The following S100A8 variants were observed in gnomAD, a reference collection of about 807,000 sequenced individuals.
S100A8 encodes protein S100-A8.
A neutral mutation model predicts 4.2 loss-of-function variants in S100A8; 1 was observed. The observed-to-expected ratio is 0.24, with a 90% confidence interval of 0.08 to 1.12. The LOEUF (loss-of-function observed/expected upper bound fraction) is 1.12. Among genes scored for constraint, S100A8 ranks in the 50% most tolerant of loss-of-function variants. The pLI, the probability that S100A8 is intolerant of heterozygous loss-of-function variation, is 0.53. For synonymous variants in S100A8, 41 were observed against 44.7 expected (o/e 0.92, Z 0.33); for missense variants, 96 against 111.8 (o/e 0.86, Z 0.64).
At chr1:153,408,353 G>A in the S100A8 span, among the ~76,000 whole-genome samples, 2 of 152,196 alleles carry the variant, frequency 1.3e-5, no homozygotes, top group African/African-American at 2.4e-5. Context: ...TAGCCAATTT[G>A]ATCAACAGGA....
chr1:153,408,516 G>C, the S100A8 span, among the ~76,000 whole-genome samples: 7 of 152,326 alleles, frequency 4.6e-5, no homozygotes, highest in South Asian at 1.0e-3. Flanking sequence ...GTACATGAAA[G>C]TGAGGAGGAG....
the S100A8 span, among the ~76,000 whole-genome samples, chr1:153,399,742 A>C: frequency 6.6e-6 from 1 of 152,196 alleles, no homozygotes; most frequent in South Asian, 2.1e-4. Context: ...GACACCTTCC[A>C]CCTGGGGAGT....
the S100A8 span, chr1:153,422,056 A>T: frequency 6.6e-6 from 1 of 152,210 alleles, no homozygotes; most frequent in South Asian, 2.1e-4. Flanking sequence ...CAGGGCAGGG[A>T]CACATGTGTG....
chr1:153,415,937 T>G, the S100A8 span, among the ~76,000 whole-genome samples: 2 of 152,232 alleles, frequency 1.3e-5, no homozygotes, highest in Non-Finnish European at 2.9e-5. Context: ...GGCTTTTCTT[T>G]GTTCGTGTGA....
chr1:153,394,787 C>A (rs1479964130), upstream of S100A8, among the ~76,000 whole-genome samples: 2 of 152,170 alleles, frequency 1.3e-5, no homozygotes, highest in African/African-American at 4.8e-5. Flanking sequence ...CAGGGACAAT[C>A]CACCATGTTT....
At chr1:153,411,236 G>C in the S100A8 span, among the ~76,000 whole-genome samples, 1 of 152,110 alleles carries the variant, frequency 6.6e-6, no homozygotes, top group Non-Finnish European at 1.5e-5. Context: ...AAATCCCATC[G>C]CCTCAGCCCA....
chr1:153,404,663 C>CA, the S100A8 span, among the ~76,000 whole-genome samples: 21,720 of 152,230 alleles, frequency 0.14, 1,748 homozygotes, highest in African/African-American at 0.23. Context: ...CTGTTTCTAC[C>CA]ACTTGATTAA....
chr1:153,406,047 C>T, the S100A8 span, among the ~76,000 whole-genome samples: 1 of 152,136 alleles, frequency 6.6e-6, no homozygotes, highest in African/African-American at 2.4e-5. Context: ...CCGTGGCTCC[C>T]TCTGCCCTGT....
chr1:153,422,261 AT>A, the S100A8 span: 1 of 152,898 alleles, frequency 6.5e-6, no homozygotes, highest in Non-Finnish European at 1.5e-5. Context: ...TAGAAAATTG[AT>A]TTGATTTCAT....
chr1:153,394,411 C>T (rs1165051320), upstream of S100A8, among the ~76,000 whole-genome samples: 1 of 152,174 alleles, frequency 6.6e-6, no homozygotes, highest in African/African-American at 2.4e-5. Context: ...GTCTTCATGC[C>T]TCTAGACACA....
upstream of S100A8, among the ~76,000 whole-genome samples, chr1:153,393,394 A>T (rs117383441): frequency 2.4e-4 from 36 of 152,334 alleles, no homozygotes; most frequent in East Asian, 6.4e-3. Flanking sequence ...AAGAAATCAC[A>T]TTTCTTTTCA....
chr1:153,399,885 G>C, the S100A8 span, among the ~76,000 whole-genome samples: 1 of 152,224 alleles, frequency 6.6e-6, no homozygotes, highest in African/African-American at 2.4e-5. Flanking sequence ...GGCTGTAAAA[G>C]AGCGCGGCCC....
At chr1:153,417,983 G>A in the S100A8 span, 1 of 1,539,028 alleles carries the variant, frequency 6.5e-7, no homozygotes, top group East Asian at 2.3e-5. Flanking sequence ...TTTTTACTCT[G>A]TCCTCAGCCC....
the S100A8 span, among the ~76,000 whole-genome samples, chr1:153,416,890 A>T: frequency 6.6e-6 from 1 of 152,156 alleles, no homozygotes; most frequent in Non-Finnish European, 1.5e-5. Flanking sequence ...TTGGGATCCC[A>T]GTTGCTGAAT....
At chr1:153,394,278 G>C (rs1662167306), upstream of S100A8, among the ~76,000 whole-genome samples, 1 of 152,196 alleles carries the variant, frequency 6.6e-6, no homozygotes, top group African/African-American at 2.4e-5. Context: ...AGAGGGCAGG[G>C]AGGGCTCAGG....
At chr1:153,418,751 AGAG>A in the S100A8 span, among the ~76,000 whole-genome samples, 67 of 152,328 alleles carry the variant, frequency 4.4e-4, no homozygotes, top group East Asian at 0.012. Flanking sequence ...AGAAGAAAGG[AGAG>A]GAGGTCAGAG....
the S100A8 span, among the ~76,000 whole-genome samples, chr1:153,413,007 A>G: frequency 1.2e-3 from 182 of 152,300 alleles, no homozygotes; most frequent in African/African-American, 4.3e-3. Context: ...GCGGGGAGAG[A>G]TAGCATTAGG....
the S100A8 span, among the ~76,000 whole-genome samples, chr1:153,409,854 C>T: frequency 2.0e-5 from 3 of 152,218 alleles, no homozygotes; most frequent in South Asian, 2.1e-4. Context: ...TACATGGAAA[C>T]TGAACAACCT....
At chr1:153,406,174 C>T in the S100A8 span, among the ~76,000 whole-genome samples, 1 of 152,200 alleles carries the variant, frequency 6.6e-6, no homozygotes, top group African/African-American at 2.4e-5. Context: ...TTCCCACACA[C>T]TTTATCTGAA....
Sources: gnomAD v4.1 joint callset for allele counts (sites outside exome capture counted in the v4.1 genomes callset) on GRCh38, gnomAD v4.1.1 for gene constraint, MANE v1.5 for transcripts, NCBI Gene and HGNC (gene_info 2026-07-23, HGNC 2026-07-21) for gene names.